Variants in LRRC39 observed in about 807,000 individuals in gnomAD.
LRRC39 encodes the protein leucine-rich repeat-containing protein 39.
In LRRC39, 35 loss-of-function variants were observed where a neutral mutation model predicts 39.7. The observed-to-expected ratio is 0.88, with a 90% CI of 0.67 to 1.17. The LOEUF (loss-of-function observed/expected upper bound fraction) is 1.17, where lower values mean the gene tolerates loss of function less well. Among genes scored for constraint, LRRC39 ranks in the 50% most tolerant of loss-of-function variants. The probability of loss-of-function intolerance (pLI) is 0.00; values close to 1 mark genes in which losing one functional copy is unlikely to be tolerated. For synonymous variants in LRRC39, 113 were observed against 134.1 expected, an observed-to-expected ratio of 0.84 and a Z score of 1.09; for missense variants, 357 against 385.8, an observed-to-expected ratio of 0.93 and a Z score of 0.62.
At chr1:100,173,032 C>T (rs899345398) in intron 2 of LRRC39, among the ~76,000 whole-genome samples, 11 of 148,222 alleles carry the variant, frequency 7.4e-5, no homozygotes, top group Non-Finnish European at 1.2e-4. Flanking sequence ...GGTGACACAG[C>T]GAGAATCTGT....
chr1:100,150,171 A>G (rs1000091392), intron 9 of LRRC39: 3 of 152,252 alleles, frequency 2.0e-5, no homozygotes, highest in African/African-American at 7.2e-5. Context: ...TGCATAGAAC[A>G]GTTCCAAGCA....
At chr1:100,173,518 A>G (rs1659765381) in intron 1 of LRRC39, 148 bp from the exon 2 acceptor site, 1 of 152,198 alleles carries the variant, frequency 6.6e-6, no homozygotes, top group Non-Finnish European at 1.5e-5. Flanking sequence ...ACCTGCAGCA[A>G]TCATACTTGA....
chr1:100,164,901 C>T (rs1010474510), intron 3 of LRRC39, among the ~76,000 whole-genome samples: 2 of 151,864 alleles, frequency 1.3e-5, no homozygotes, highest in Non-Finnish European at 2.9e-5. Flanking sequence ...GATGGGGTCT[C>T]GCTATGTTGC....
intron 9 of LRRC39, among the ~76,000 whole-genome samples, chr1:100,151,536 C>T (rs1365360071): frequency 6.6e-6 from 1 of 152,146 alleles, no homozygotes; most frequent in Non-Finnish European, 1.5e-5. Flanking sequence ...CAGTTATATT[C>T]ATTTTTCAAA....
chr1:100,158,495 T>C (rs1658632620), intron 5 of LRRC39, 128 bp from the exon 6 acceptor site: 9 of 714,736 alleles, frequency 1.3e-5, no homozygotes, highest in Non-Finnish European at 1.9e-5. Context: ...TGGAGTGCAG[T>C]GGCGCTATCT....
At chr1:100,157,634 TTAAGA>T (rs1658565080) in intron 6 of LRRC39, among the ~76,000 whole-genome samples, 1 of 152,216 alleles carries the variant, frequency 6.6e-6, no homozygotes, top group Non-Finnish European at 1.5e-5. Flanking sequence ...GATACACTAA[TTAAGA>T]TAAAGTGGGA....
chr1:100,164,009 G>T (rs1348804444), intron 3 of LRRC39, among the ~76,000 whole-genome samples: 1 of 152,088 alleles, frequency 6.6e-6, no homozygotes, highest in Non-Finnish European at 1.5e-5. Context: ...GGAGGCAGAG[G>T]TTGCAGTGAG....
chr1:100,150,877 C>T (rs1657930132), intron 9 of LRRC39, among the ~76,000 whole-genome samples: 1 of 152,048 alleles, frequency 6.6e-6, no homozygotes, highest in African/African-American at 2.4e-5. Context: ...CCTGTAATCC[C>T]AGCACTTTGG....
At chr1:100,160,599 C>A in intron 3 of LRRC39, 28 bp from the exon 4 acceptor site, 2 of 1,523,258 alleles carry the variant, frequency 1.3e-6, no homozygotes, top group South Asian at 1.2e-5. Context: ...CATTTTAGTT[C>A]ATAGACAATT....
At chr1:100,172,308 A>C (rs1022048434) in intron 2 of LRRC39, among the ~76,000 whole-genome samples, 2 of 152,256 alleles carry the variant, frequency 1.3e-5, no homozygotes. Flanking sequence ...AGAAAGAAAA[A>C]TACAGACTAA....
At chr1:100,160,877 G>T (rs182258845) in intron 3 of LRRC39, among the ~76,000 whole-genome samples, 1 of 152,124 alleles carries the variant, frequency 6.6e-6, no homozygotes, top group East Asian at 1.9e-4. Flanking sequence ...ACCAGCCTCA[G>T]CCTCCCAAAG....
intron 9 of LRRC39, chr1:100,149,545 T>G (rs1657743029): frequency 9.0e-7 from 1 of 1,108,908 alleles, no homozygotes; most frequent in South Asian, 1.7e-5. Flanking sequence ...TTGAAATAAT[T>G]TCTGAAGTTG....
rs1172361289 is a variant in LRRC39 at position 100,156,253 on chromosome 1, A to G, written c.578T>C (p.Leu193Pro). The part of the protein sequence containing the change: ...LSMNDFTTIP[L>P]AVLNMPALEW... ...AAGGGCAGGCATGTTCAACACAGCA[A>G]GAGGGATTGTAGTAAAATCGTTCAT... is the stretch of plus-strand genomic sequence containing the variant. Residue 193 changes from leucine (L) to proline (P), a missense_variant, in exon 7 of 10, where the codon CTT (leucine) becomes CCT (proline). Transcript: ENST00000370137. 2 of 1,613,956 alleles carry G rather than the reference A, an allele frequency of 1.2e-6. No individual in the cohort carries two copies. The highest frequency in any genetic ancestry group is 1.3e-5 in the African/African-American group (1 of 74,944).
intron 2 of LRRC39, among the ~76,000 whole-genome samples, chr1:100,170,024 G>T (rs1234199824): frequency 6.6e-6 from 1 of 152,016 alleles, no homozygotes; most frequent in African/African-American, 2.4e-5. Context: ...AATATACAAA[G>T]GTTGTCCAGT....
intron 3 of LRRC39, among the ~76,000 whole-genome samples, chr1:100,164,951 C>G (rs959401454): frequency 1.2e-4 from 18 of 152,212 alleles, no homozygotes; most frequent in Admixed American, 1.1e-3. Flanking sequence ...AGAAATCCTC[C>G]TACCTCAGCC....
intron 9 of LRRC39, chr1:100,149,327 T>G (rs777792147): frequency 2.6e-6 from 4 of 1,541,382 alleles, no homozygotes; most frequent in South Asian, 1.2e-5. Context: ...AATTCAGAGA[T>G]ATTCACAATT....
intron 6 of LRRC39, among the ~76,000 whole-genome samples, chr1:100,156,920 G>A (rs1658501650): frequency 6.6e-6 from 1 of 152,048 alleles, no homozygotes; most frequent in Non-Finnish European, 1.5e-5. Context: ...AGGAGGTTGA[G>A]GCTGCAGTGA....
At chr1:100,177,754 C>T (rs1660057976) in intron 1 of LRRC39, among the ~76,000 whole-genome samples, 2 of 151,678 alleles carry the variant, frequency 1.3e-5, no homozygotes, top group Non-Finnish European at 2.9e-5. Context: ...GTTGCTCATC[C>T]ATCAGTTTTC....
At position 100,152,594 on chromosome 1, in the gene LRRC39, G is replaced by A. The variant is rs190343417; in HGVS notation, c.813-70C>T. 4.6e-5 allele frequency: 70 copies of A among 1,515,690 alleles called. No individual in the cohort carries two copies. The East Asian group carries it at 9.9e-4, about 22-fold the overall frequency. The allele number at this position is 1,515,690 out of a possible 1,614,324, so 93.9% of individuals were successfully genotyped here. On this transcript the variant is annotated intron_variant, in intron 8 of 9. Coordinates refer to ENST00000370137, the MANE Select transcript of LRRC39 (RefSeq NM_144620.4). ...GTGTACATTTATTTCCCTGGAGAAA[G>A]GTCAAATGATAATATACTAAATTAC...
Sources: gnomAD v4.1 joint callset for allele counts (sites outside exome capture counted in the v4.1 genomes callset) on GRCh38, gnomAD v4.1.1 for gene constraint, MANE v1.5 for transcripts, NCBI Gene and HGNC (gene_info 2026-07-23, HGNC 2026-07-21) for gene names.